WWOX: variants seen among roughly 807,000 people sequenced by gnomAD.
WWOX encodes WW domain-containing oxidoreductase.
Under a neutral mutation model 46.2 loss-of-function variants are expected in WWOX, and 69 were observed. That is an observed-to-expected ratio of 1.49 (90% CI 1.23 to 1.82). The LOEUF (loss-of-function observed/expected upper bound fraction) is 1.82, where lower values mean the gene tolerates loss of function less well. Ranked by LOEUF, WWOX falls within the 40% of genes most tolerant of loss-of-function variation. WWOX has a pLI of 0.00. For synonymous variants in WWOX, 359 were observed against 202.6 expected, an observed-to-expected ratio of 1.77 and a Z score of -6.56; for missense variants, 919 against 542.6, an observed-to-expected ratio of 1.69 and a Z score of -6.89.
At chr16:78,138,161 A>G (rs144862175) in intron 4 of WWOX, among the ~76,000 whole-genome samples, 5 of 150,878 alleles carry the variant, frequency 3.3e-5, no homozygotes, top group African/African-American at 1.2e-4. Flanking sequence ...ACAAAACATC[A>G]CATGACAACG....
chr16:78,217,966 T>A (rs138520096), intron 5 of WWOX, among the ~76,000 whole-genome samples: 1 of 152,264 alleles, frequency 6.6e-6, no homozygotes, highest in East Asian at 1.9e-4. Flanking sequence ...TGCAGCAGCC[T>A]CCTTTTCCAC....
At chr16:78,742,405 C>T (rs981952528) in intron 8 of WWOX, among the ~76,000 whole-genome samples, 1 of 152,138 alleles carries the variant, frequency 6.6e-6, no homozygotes, top group Admixed American at 6.5e-5. Flanking sequence ...GCCCTGGCTT[C>T]TGTGTCTTCA....
chr16:78,115,906 C>T (rs996851591), intron 4 of WWOX, among the ~76,000 whole-genome samples: 10 of 152,188 alleles, frequency 6.6e-5, no homozygotes, highest in Non-Finnish European at 1.2e-4. Context: ...TGGCTGTCTT[C>T]TGTCAAGTTC....
chr16:78,423,661 A>G (rs983348440), intron 6 of WWOX, among the ~76,000 whole-genome samples: 2 of 151,960 alleles, frequency 1.3e-5, no homozygotes, highest in Non-Finnish European at 1.5e-5. Context: ...ACATAGGGGG[A>G]GCCCATCTCT....
chr16:78,709,780 G>C (rs1454575431), intron 8 of WWOX, among the ~76,000 whole-genome samples: 1 of 150,944 alleles, frequency 6.6e-6, no homozygotes, highest in East Asian at 2.0e-4. Flanking sequence ...CCACGCTGGA[G>C]TGCAGTGGTG....
At chr16:78,278,567 A>C in intron 5 of WWOX, 1 of 1,587,148 alleles carries the variant, frequency 6.3e-7, no homozygotes, top group Non-Finnish European at 8.6e-7. Flanking sequence ...CTCATAACTT[A>C]ATTTTACACA....
At chr16:78,639,807 C>T (rs984260345) in intron 8 of WWOX, among the ~76,000 whole-genome samples, 6 of 152,118 alleles carry the variant, frequency 3.9e-5, no homozygotes, top group Non-Finnish European at 8.8e-5. Flanking sequence ...CTCAGGTGAT[C>T]CACCTGCCCC....
At chr16:78,634,835 AGAGTGTGTGTGTGTGT>A (rs1280077928) in intron 8 of WWOX, among the ~76,000 whole-genome samples, 25 of 127,466 alleles carry the variant, frequency 2.0e-4, no homozygotes, top group Admixed American at 1.5e-3. Flanking sequence ...AGAGAGAGAG[AGAGTGTGTGTGTGTGT>A]GTGTGTGTGT....
rs768864656 is a variant in WWOX, at chr16:78,340,670, A to T, written c.517-46190A>T. Among the ~76,000 whole-genome samples the T allele has an allele frequency of 3.3e-5, 4 of 119,990 alleles. 1 individual carries two copies. The highest frequency in any genetic ancestry group is 5.6e-5 in the African/African-American group (2 of 35,412). The allele number at this position is 119,990 out of a possible 152,430, so 78.7% of individuals were successfully genotyped here. A position where few individuals can be genotyped will look rare whatever the true frequency, so the allele number is the denominator to read the frequency against. On this transcript the variant is annotated intron_variant, in intron 5 of 8. Transcript: ENST00000566780. ...GGCTGGACTATTTTTTGGGAAAACC[A>T]CTGTGTTTGAATGTTTGCATGTGTC...
At chr16:78,971,554 C>T (rs2046470946) in intron 8 of WWOX, among the ~76,000 whole-genome samples, 2 of 151,608 alleles carry the variant, frequency 1.3e-5, no homozygotes, top group Non-Finnish European at 2.9e-5. Flanking sequence ...TCTAATGGAT[C>T]CCTGACGGGT....
chr16:79,203,104 A>G (rs1010728930), intron 8 of WWOX: 4 of 152,208 alleles, frequency 2.6e-5, no homozygotes, highest in African/African-American at 9.6e-5. Context: ...TTTCCTACTA[A>G]CTAGCAACAC....
At chr16:78,197,957 A>T (rs9921397) in intron 5 of WWOX, among the ~76,000 whole-genome samples, 35,494 of 150,816 alleles carry the variant, frequency 0.24, 4,368 homozygotes, top group South Asian at 0.38. Context: ...TTTTTTTTTT[A>T]AATTTCTTCC....
intron 8 of WWOX, among the ~76,000 whole-genome samples, chr16:78,951,055 G>A (rs1414523069): frequency 6.6e-6 from 1 of 152,208 alleles, no homozygotes. Context: ...AGGACAATGA[G>A]AAGAGGCCAG....
At chr16:78,383,485 C>T (rs916437469) in intron 5 of WWOX, among the ~76,000 whole-genome samples, 6 of 152,106 alleles carry the variant, frequency 3.9e-5, no homozygotes, top group Admixed American at 1.3e-4. Flanking sequence ...GGAAATCTCA[C>T]CTTGGCAGAT....
chr16:78,548,226 G>C (rs2044092076), intron 8 of WWOX, among the ~76,000 whole-genome samples: 1 of 151,044 alleles, frequency 6.6e-6, no homozygotes, highest in Admixed American at 6.6e-5. Context: ...GTACTGATGT[G>C]GATATGATTT....
intron 8 of WWOX, among the ~76,000 whole-genome samples, chr16:78,914,752 G>A (rs201685846): frequency 1.0e-4 from 15 of 150,046 alleles, no homozygotes; most frequent in South Asian, 8.3e-4. Context: ...GCTGGCAGGC[G>A]CCTGTAGTCC....
At chr16:78,929,301 G>A (rs768015126) in intron 8 of WWOX, among the ~76,000 whole-genome samples, 3 of 151,454 alleles carry the variant, frequency 2.0e-5, no homozygotes, top group Non-Finnish European at 2.9e-5. Context: ...TTTTTTAAGA[G>A]CCTCAAGTGT....
At chr16:78,227,417 G>T (rs2037100641) in intron 5 of WWOX, among the ~76,000 whole-genome samples, 1 of 152,088 alleles carries the variant, frequency 6.6e-6, no homozygotes, top group Non-Finnish European at 1.5e-5. Context: ...AGGGAATAAA[G>T]AATGTTTTCA....
At chr16:78,476,450 C>T (rs2084350275) in intron 8 of WWOX, among the ~76,000 whole-genome samples, 2 of 152,012 alleles carry the variant, frequency 1.3e-5, no homozygotes, top group Non-Finnish European at 2.9e-5. Flanking sequence ...ACACCGGGGC[C>T]TGTTGTGGGG....
Sources: gnomAD v4.1 joint callset for allele counts (sites outside exome capture counted in the v4.1 genomes callset) on GRCh38, gnomAD v4.1.1 for gene constraint, MANE v1.5 for transcripts, NCBI Gene and HGNC (gene_info 2026-07-23, HGNC 2026-07-21) for gene names.